CACNA2D2: variants seen among roughly 807,000 people sequenced by gnomAD.
CACNA2D2 encodes voltage-dependent calcium channel subunit alpha-2/delta-2.
CACNA2D2 carries 48 observed loss-of-function variants against 166.4 expected under a neutral mutation model. The ratio of observed to expected loss-of-function variants is 0.29; its 90% CI spans 0.23 to 0.37. The LOEUF (loss-of-function observed/expected upper bound fraction) is 0.37, where lower values mean the gene tolerates loss of function less well. CACNA2D2 is among the 10% of genes least tolerant of loss of function. CACNA2D2 has a pLI of 1.00. For synonymous variants in CACNA2D2, 561 were observed against 573.7 expected (o/e 0.98, Z 0.32); for missense variants, 1,122 against 1,433.0 (o/e 0.78, Z 3.50).
chr3:50,465,553 C>T (rs532911873), intron 2 of CACNA2D2, among the ~76,000 whole-genome samples: 1 of 152,314 alleles, frequency 6.6e-6, no homozygotes, highest in Non-Finnish European at 1.5e-5. Flanking sequence ...CCATCAGTGT[C>T]CCAGGAGCTG....
Position 50,380,032 on chromosome 3 carries a change from G to A in CACNA2D2, c.843-14C>T, listed in dbSNP as rs1263733887. ...CCCTGGATATACCTGCCCAGGAGAT[G>A]CCTCTGTTAGGGTAAGGCCCACTGG... On this transcript the variant is annotated splice_polypyrimidine_tract_variant and intron_variant, in intron 8 of 37. Transcript: ENST00000424201. This position sits in a 1 kb window ranked among gnomAD's most constrained non-coding sequence, Gnocchi z 4.9. 6.2e-7 allele frequency: 1 copy of A among 1,613,932 alleles called. No homozygotes were observed. The highest frequency in any genetic ancestry group is 1.1e-5 in the South Asian group (1 of 91,076).
At chr3:50,420,806 G>A (rs1013151064) in intron 3 of CACNA2D2, among the ~76,000 whole-genome samples, 3 of 152,186 alleles carry the variant, frequency 2.0e-5, no homozygotes, top group East Asian at 1.9e-4. Context: ...CAATGCTGGC[G>A]TCCTGGCCCC....
chr3:50,393,289 A>C (rs1705974090), intron 4 of CACNA2D2, among the ~76,000 whole-genome samples: 1 of 152,144 alleles, frequency 6.6e-6, no homozygotes, highest in Non-Finnish European at 1.5e-5. Context: ...CAAGAGTACT[A>C]GGAGGCATGG....
In CACNA2D2 at chr3:50,427,048, C is replaced by T. The variant is rs913711141; in HGVS notation, c.405+7265G>A. ...AGGCCGTCCCCACACTCATGTCCAG[C>T]TGTTGGGGGTAGCGTCTTTGCCCAA... On this transcript the variant is annotated intron_variant, in intron 3 of 37. Coordinates refer to ENST00000424201, the MANE Select transcript of CACNA2D2 (RefSeq NM_006030.4). This position sits in a 1 kb window ranked among gnomAD's most constrained non-coding sequence, Gnocchi z 4.7. Among the ~76,000 whole-genome samples the T allele has an allele frequency of 6.6e-6, 1 of 152,196 alleles. No homozygotes were observed. The highest frequency in any genetic ancestry group is 2.4e-5 in the African/African-American group (1 of 41,454).
At chr3:50,473,510 C>T (rs1400695301) in intron 2 of CACNA2D2, among the ~76,000 whole-genome samples, 1 of 152,226 alleles carries the variant, frequency 6.6e-6, no homozygotes, top group African/African-American at 2.4e-5. Context: ...GGAGGGGCAG[C>T]CCCACTGGGG....
intron 3 of CACNA2D2, among the ~76,000 whole-genome samples, chr3:50,422,289 C>T (rs1477591528): frequency 6.6e-6 from 1 of 152,174 alleles, no homozygotes; most frequent in Non-Finnish European, 1.5e-5. Context: ...TGGCTCCCCA[C>T]ACAGTGGAAG....
At chr3:50,453,401 C>T (rs1448516885) in intron 2 of CACNA2D2, among the ~76,000 whole-genome samples, 2 of 152,204 alleles carry the variant, frequency 1.3e-5, no homozygotes, top group African/African-American at 4.8e-5. Context: ...TCGGACAGTC[C>T]AGGCCCATGT....
In CACNA2D2 at chr3:50,363,886, G is replaced by C. The variant is rs1342520348; in HGVS notation, c.*780C>G. On this transcript the variant is annotated 3_prime_UTR_variant, in exon 38 of 38. Coordinates refer to ENST00000424201, the MANE Select transcript of CACNA2D2 (RefSeq NM_006030.4). ...GGAGGACCAGCCAGGCTGCAGCTCA[G>C]ATTAGAGGCAGGTGGTGAGCAGGAG... 3 of 152,672 alleles carry C rather than the reference G, an allele frequency of 2.0e-5. No homozygotes were observed. The highest frequency in any genetic ancestry group is 4.8e-5 in the African/African-American group (2 of 41,438). 9.5% of individuals were successfully genotyped at this position (152,672 alleles called of 1,614,324 possible). A position where few individuals can be genotyped will look rare whatever the true frequency, so the allele number is the denominator to read the frequency against.
At chr3:50,443,511 C>G (rs778725694) in intron 2 of CACNA2D2, among the ~76,000 whole-genome samples, 1 of 152,226 alleles carries the variant, frequency 6.6e-6, no homozygotes, top group Admixed American at 6.5e-5. Flanking sequence ...CTTCTCAGAC[C>G]CCAGCCATCA....
chr3:50,387,804 G>A (rs1399786413), intron 4 of CACNA2D2, among the ~76,000 whole-genome samples, 192 bp from the exon 5 acceptor site: 2 of 152,188 alleles, frequency 1.3e-5, no homozygotes, highest in African/African-American at 4.8e-5. Flanking sequence ...CTATCTTCAG[G>A]GGCCCTGCAC....
chr3:50,451,603 G>T (rs1709108012), intron 2 of CACNA2D2, among the ~76,000 whole-genome samples: 1 of 152,186 alleles, frequency 6.6e-6, no homozygotes, highest in African/African-American at 2.4e-5. Context: ...CTGGCCCCTT[G>T]ACCAAGTGCT....
chr3:50,470,903 C>T (rs1386103881), intron 2 of CACNA2D2, among the ~76,000 whole-genome samples: 1 of 152,140 alleles, frequency 6.6e-6, no homozygotes, highest in African/African-American at 2.4e-5. Flanking sequence ...CGGGAGCCCC[C>T]CCTTTAGCCC....
At chr3:50,476,391 C>T (rs528185261) in intron 1 of CACNA2D2, among the ~76,000 whole-genome samples, 192 bp from the exon 2 acceptor site, 1 of 152,356 alleles carries the variant, frequency 6.6e-6, no homozygotes, top group South Asian at 2.1e-4. Context: ...GGCCCAGGTG[C>T]TCCTCATGCA....
At chr3:50,453,192 T>C (rs554198903) in intron 2 of CACNA2D2, among the ~76,000 whole-genome samples, 12 of 152,276 alleles carry the variant, frequency 7.9e-5, no homozygotes, top group African/African-American at 2.9e-4. Context: ...TTGTCCATGC[T>C]TCCCCAGAAA....
At chr3:50,494,420 G>A (rs531890949) in intron 1 of CACNA2D2, among the ~76,000 whole-genome samples, 9 of 152,210 alleles carry the variant, frequency 5.9e-5, no homozygotes, top group East Asian at 5.8e-4. Flanking sequence ...CTGGAAACTC[G>A]AGGCAGAGCA....
At chr3:50,394,413 C>T (rs1706044095) in intron 3 of CACNA2D2, among the ~76,000 whole-genome samples, 1 of 152,218 alleles carries the variant, frequency 6.6e-6, no homozygotes, top group Admixed American at 6.5e-5. Flanking sequence ...ACCCCAGGGG[C>T]ATCTCCATGG....
chr3:50,497,272 G>A (rs1698762340), intron 1 of CACNA2D2, among the ~76,000 whole-genome samples: 2 of 152,218 alleles, frequency 1.3e-5, no homozygotes. Context: ...AAAGGAAACT[G>A]AGGCCCAGGG....
intron 3 of CACNA2D2, among the ~76,000 whole-genome samples, chr3:50,406,842 G>C (rs1299937478): frequency 4.6e-5 from 7 of 151,740 alleles, no homozygotes; most frequent in Non-Finnish European, 7.3e-5. Context: ...CACTACCACT[G>C]TGCTCACTGC....
Position 50,476,199 on chromosome 3 carries a change from C to A in CACNA2D2, c.207G>T (p.Thr69=). 1.9e-6 allele frequency: 3 copies of A among 1,585,828 alleles called. No homozygotes were observed. Among genetic ancestry groups the A allele is most frequent in the Non-Finnish European group, 1.7e-6 (2 of 1,166,852 alleles). Residue 69 remains threonine (T), a splice_region_variant and synonymous_variant, in exon 2 of 38, where the codon ACG becomes ACT. Transcript: ENST00000424201. ...CCAGACGCCGGGCCCAGTGCTGCAT[C>A]CTGTATGCAGAGAGAGGAGAGAGGT... ...ASAYSFPQQH[T]MQHWARRLEQ... is the part of the protein sequence containing the mutation.
Sources: gnomAD v4.1 joint callset for allele counts (sites outside exome capture counted in the v4.1 genomes callset) on GRCh38, gnomAD v4.1.1 for gene constraint, Gnocchi (gnomAD v3.1) non-coding constraint, MANE v1.5 for transcripts, NCBI Gene and HGNC (gene_info 2026-07-23, HGNC 2026-07-21) for gene names.